Variants in DUOX2 observed in about 807,000 individuals in gnomAD.
DUOX2 encodes dual oxidase 2.
Under a neutral mutation model 183.3 loss-of-function variants are expected in DUOX2, and 185 were observed. That is an observed-to-expected ratio of 1.01 (90% CI 0.90 to 1.14). The LOEUF is 1.14. DUOX2 is among the 50% of genes most tolerant of loss of function. The pLI, the probability that DUOX2 is intolerant of heterozygous loss-of-function variation, is 0.00. For missense variants in DUOX2, 1,999 were observed against 2,022.9 expected, an observed-to-expected ratio of 0.99 and a Z score of 0.23; for synonymous variants, 788 against 812.4, an observed-to-expected ratio of 0.97 and a Z score of 0.51.
Position 45,112,588 on chromosome 15 carries a change from C to T in DUOX2, c.291G>A (p.Ser97=), listed in dbSNP as rs1446322119. 5 of 1,613,058 alleles carry T rather than the reference C, an allele frequency of 3.1e-6. No homozygotes were observed. The highest frequency in any genetic ancestry group is 4.2e-6 in the Non-Finnish European group (5 of 1,179,754). ...CCCCCAGTACGGTGCGGTTGTGGAG[C>T]GACGGCAGGCCGGCTATGCCCCGCG... The part of the protein sequence containing the change: ...AATRGIAGLP[S]LHNRTVLGVF... Residue 97 remains serine (S), a synonymous_variant, in exon 4 of 34, where the codon TCG becomes TCA. Coordinates refer to ENST00000389039, the MANE Select transcript of DUOX2 (RefSeq NM_001363711.2).
At chr15:45,112,850 G>T (rs994474085) in intron 3 of DUOX2, 132 bp from the exon 4 acceptor site, 1 of 1,545,980 alleles carries the variant, frequency 6.5e-7, no homozygotes. Context: ...TCTTGGCCCC[G>T]GGAGCGCATA....
chr15:45,113,419 C>T lies in DUOX2; in HGVS notation c.-8G>A, dbSNP rs1056541160. 3.2e-6 allele frequency: 5 copies of T among 1,557,940 alleles called. No homozygotes were observed. The highest frequency in any genetic ancestry group is 4.3e-6 in the Non-Finnish European group (5 of 1,150,276). On this transcript the variant is annotated 5_prime_UTR_variant, in exon 2 of 34. Coordinates refer to ENST00000389039, the MANE Select transcript of DUOX2 (RefSeq NM_001363711.2). The stretch of plus-strand genomic sequence containing the variant: ...TGGTCTTGCACGGAGCATGCCAACC[C>T]TGCAGCCTGCGGGGTGAGGGTGGGG...
In DUOX2 at chr15:45,094,213, C is replaced by T. The variant is rs2141138581; in HGVS notation, c.4584G>A (p.Lys1528=). The change falls in exon 34 of 34, where the codon AAG becomes AAA. Residue 1528 remains lysine, a synonymous_variant. Transcript: ENST00000389039. ...CCTGCCTGTTGACGAGCTGACAGGC[C>T]TTCTCTACATTCTTGGTCATTCCTG... ...GPPGMTKNVE[K]ACQLVNRQDR... The T allele has an allele frequency of 2.5e-6, 4 of 1,614,174 alleles. No individual in the cohort carries two copies. Among genetic ancestry groups the T allele is most frequent in the Non-Finnish European group, 3.4e-6 (4 of 1,180,032 alleles).
At chr15:45,102,017 C>G in intron 20 of DUOX2, 28 bp from the exon 21 acceptor site, 5 of 1,613,100 alleles carry the variant, frequency 3.1e-6, no homozygotes, top group African/African-American at 1.3e-5. Flanking sequence ...ACACAGCAGC[C>G]TGTCACCCAG....
chr15:45,105,606 G>A (rs755700420), intron 18 of DUOX2, 37 bp downstream of exon 18: 11 of 1,613,362 alleles, frequency 6.8e-6, no homozygotes, highest in South Asian at 5.5e-5. Flanking sequence ...CCATTTCTGG[G>A]GCTGGACCCA....
In DUOX2 at chr15:45,104,338, C is replaced by A; in HGVS notation, c.2362G>T (p.Gly788Trp). 6.2e-7 allele frequency: 1 copy of A among 1,613,882 alleles called. No homozygotes were observed. Among genetic ancestry groups the A allele is most frequent in the South Asian group, 1.1e-5 (1 of 91,022 alleles). Reference sequence around the variant, plus strand: ...TGGGAGGAGTCCAGGGGCAGGGTCCCTGCGTCGGCCTGGTTGATGTCCAGC... The same window carrying A: ...TGGGAGGAGTCCAGGGGCAGGGTCCATGCGTCGGCCTGGTTGATGTCCAGC... Reference protein sequence around the residue: ...QVLDINQADAGTLPLDSSQKV... With the variant: ...QVLDINQADAWTLPLDSSQKV... The change falls in exon 19 of 34, where the codon GGG becomes TGG. Residue 788 changes from glycine to tryptophan, a missense_variant. Transcript: ENST00000389039.
chr15:45,096,315 G>A (rs1487057960), intron 29 of DUOX2, among the ~76,000 whole-genome samples: 1 of 152,124 alleles, frequency 6.6e-6, no homozygotes, highest in East Asian at 1.9e-4. Context: ...GAAGGCCCAG[G>A]CCTCATACCA....
chr15:45,101,987 G>C lies in DUOX2; in HGVS notation c.2657C>G (p.Ser886Cys), dbSNP rs1232294591. Residue 886 changes from serine to cysteine, a missense_variant and splice_region_variant, in exon 21 of 34, where the codon TCC becomes TGC. Physicochemically the swap from Ser to Cys is moderately radical, Grantham distance 112. Around this residue, in one of 3 missense-constraint regions of DUOX2, gnomAD observed 1,628 missense variants for 1,608.6 expected, o/e 1.01. Coordinates refer to ENST00000389039, the MANE Select transcript of DUOX2 (RefSeq NM_001363711.2). ...SKDEFFTMMR[S>C]FIEISNNCLS... is the part of the protein sequence containing the mutation. ...GCAGTTGTTGGAGATCTCGATGAAG[G>C]ATCTGGAGGAGGACCAGAGACACAG... 1.9e-6 allele frequency: 3 copies of C among 1,614,052 alleles called. No individual in the cohort carries two copies. The highest frequency in any genetic ancestry group is 1.7e-6 in the Non-Finnish European group (2 of 1,180,028).
At position 45,104,373 on chromosome 15, in the gene DUOX2, C is replaced by T. The variant is rs532139907; in HGVS notation, c.2335-8G>A. ...CTGGTTGATGTCCAGCACCTGCACTCGGGCAGCAGCAGAGGGAGGGAAAGA... is the reference window on the plus strand; with the variant it reads ...CTGGTTGATGTCCAGCACCTGCACTTGGGCAGCAGCAGAGGGAGGGAAAGA... On this transcript the variant is annotated splice_region_variant and splice_polypyrimidine_tract_variant and intron_variant, in intron 18 of 33. Coordinates refer to ENST00000389039, the MANE Select transcript of DUOX2 (RefSeq NM_001363711.2). 3.2e-5 allele frequency: 52 copies of T among 1,612,724 alleles called. No individual in the cohort carries two copies. The East Asian group carries it at 7.1e-4, about 22-fold the overall frequency.
chr15:45,094,460 G>T, intron 33 of DUOX2, 103 bp downstream of exon 33: 1 of 1,535,478 alleles, frequency 6.5e-7, no homozygotes, highest in Middle Eastern at 2.3e-4. Flanking sequence ...CCAGGCAATC[G>T]GGTGGAGTTC....
In DUOX2 at chr15:45,111,520, G is replaced by A. The variant is rs1225500843; in HGVS notation, c.579C>T (p.Asp193=). Residue 193 remains aspartate (D), a synonymous_variant, in exon 6 of 34, where the codon GAC becomes GAT. Transcript: ENST00000389039. ...GTCCCCCCGAGAAGCTCCGCAGCGC[G>A]TCGCTCCAGGAGTGCGAGGAGCCAT... is the stretch of plus-strand genomic sequence containing the variant. The part of the protein sequence containing the change: ...AIYGSSHSWS[D]ALRSFSGGQL... 1.3e-6 allele frequency: 2 copies of A among 1,553,214 alleles called. No individual in the cohort carries two copies. Among genetic ancestry groups the A allele is most frequent in the Non-Finnish European group, 1.7e-6 (2 of 1,152,200 alleles).
In DUOX2 at chr15:45,097,327, G is replaced by T; in HGVS notation, c.3758C>A (p.Pro1253Gln). The change falls in exon 29 of 34, where the codon CCG (proline) becomes CAG (glutamine). Residue 1253 changes from proline (P) to glutamine (Q), a missense_variant. Transcript: ENST00000389039. ...CTTGTCACCTCCATAGATGATTGCC[G>T]GGACCAGGAAGTAGATGTGGAAAGT... ...LPTFHIYFLV[P>Q]AIIYGGDKLV... 1 of 1,614,240 alleles carries T rather than the reference G, an allele frequency of 6.2e-7. No homozygotes were observed. The highest frequency in any genetic ancestry group is 8.5e-7 in the Non-Finnish European group (1 of 1,180,042).
rs1410120669 is a variant in DUOX2, at chr15:45,094,563, C to T, written c.4524G>A (p.Gln1508=). 3.1e-6 allele frequency: 5 copies of T among 1,613,048 alleles called. No homozygotes were observed. The highest frequency in any genetic ancestry group is 1.3e-5 in the African/African-American group (1 of 74,850). Residue 1508 remains glutamine (Q), a splice_region_variant and synonymous_variant, in exon 33 of 34, where the codon CAG becomes CAA. Coordinates refer to ENST00000389039, the MANE Select transcript of DUOX2 (RefSeq NM_001363711.2). ...CAGGGTGGGAGGGAGTGGGACTGACCTGTGGGTGGACCTCCTGCAGGGAGT... is the reference window on the plus strand; with the variant it reads ...CAGGGTGGGAGGGAGTGGGACTGACTTGTGGGTGGACCTCCTGCAGGGAGT... ...FFNSLQEVHP[Q]VRKIGVFSCG...
At chr15:45,099,510 G>T in intron 25 of DUOX2, 28 bp from the exon 26 acceptor site, 1 of 1,606,836 alleles carries the variant, frequency 6.2e-7, no homozygotes, top group Non-Finnish European at 8.5e-7. Context: ...TGTTAGAGAT[G>T]CCAACCAGGA....
In DUOX2 at chr15:45,093,841, C is replaced by T. The variant is rs1486893348; in HGVS notation, c.*309G>A. 1.0e-5 allele frequency: 4 copies of T among 389,902 alleles called. No individual in the cohort carries two copies. The highest frequency in any genetic ancestry group is 1.9e-5 in the Non-Finnish European group (4 of 205,400). 24.2% of individuals were successfully genotyped at this position (389,902 alleles called of 1,614,324 possible). ...TGGGGTGAGGAGTGGTCTTTATCTT[C>T]TTTGGGAGATCCTGACTGGTTGCGC... On this transcript the variant is annotated 3_prime_UTR_variant, in exon 34 of 34. Transcript: ENST00000389039.
rs1325556179 is a variant in DUOX2, at chr15:45,095,509, G to A, written c.4167C>T (p.Val1389=). The A allele has an allele frequency of 6.2e-7, 1 of 1,614,190 alleles. No homozygotes were observed. The highest frequency in any genetic ancestry group is 1.1e-5 in the South Asian group (1 of 91,082). ...CTTTGAGGATGGAGGCAAAGGGGGT[G>A]ACCCCAATGCCCCCTCCCACCAACA... ...VSVLVGGGIG[V]TPFASILKDL... The change falls in exon 31 of 34, where the codon GTC becomes GTT. Residue 1389 remains valine (V), a synonymous_variant. Coordinates refer to ENST00000389039, the MANE Select transcript of DUOX2 (RefSeq NM_001363711.2).
Position 45,094,543 on chromosome 15 carries a change from T to G in DUOX2, c.4524+20A>C, listed in dbSNP as rs997835124. Reference sequence around the variant, plus strand: ...GCAGGAGAAGGCCAGAGTCCCAGGGTGGGAGGGAGTGGGACTGACCTGTGG... The same window carrying G: ...GCAGGAGAAGGCCAGAGTCCCAGGGGGGGAGGGAGTGGGACTGACCTGTGG... On this transcript the variant is annotated intron_variant, in intron 33 of 33. Transcript: ENST00000389039. 8 of 1,601,774 alleles carry G rather than the reference T, an allele frequency of 5.0e-6. No homozygotes were observed. Among genetic ancestry groups the G allele is most frequent in the East Asian group, 2.3e-5 (1 of 44,140 alleles).
Position 45,111,455 on chromosome 15 carries a change from G to T in DUOX2, c.644C>A (p.Ser215Ter). ...CGCCCACATGAGCAGGGGGTTCTGCGAGTCTCGGGGGAAAGCGGGGTCGGG... is the reference window on the plus strand; with the variant it reads ...CGCCCACATGAGCAGGGGGTTCTGCTAGTCTCGGGGGAAAGCGGGGTCGGG... The part of the protein sequence containing the change: ...SGPDPAFPRD[S>*]QNPLLMWAAP... The change falls in exon 6 of 34, where the codon TCG (serine) becomes TAG (stop). Residue 215 changes from serine to a stop codon, truncating the protein, a stop_gained. Transcript: ENST00000389039. LOFTEE classifies it high-confidence loss of function. The T allele has an allele frequency of 1.3e-6, 2 of 1,548,518 alleles. No individual in the cohort carries two copies. The highest frequency in any genetic ancestry group is 2.4e-5 in the East Asian group (1 of 41,838).
chr15:45,103,910 T>C lies in DUOX2; in HGVS notation c.2654+50A>G, dbSNP rs1295042403. 6 of 1,603,794 alleles carry C rather than the reference T, an allele frequency of 3.7e-6. No homozygotes were observed. The East Asian group carries it at 1.3e-4, about 36-fold the overall frequency. On this transcript the variant is annotated intron_variant, in intron 20 of 33. Coordinates refer to ENST00000389039, the MANE Select transcript of DUOX2 (RefSeq NM_001363711.2). ...CCTCCTCTGACTGGACCTGTTTTCC[T>C]GTTTGAAACACACCAGGAAGTCTCA...
Sources: allele counts gnomAD v4.1 joint callset (sites outside exome capture counted in the v4.1 genomes callset), GRCh38; gene constraint gnomAD v4.1.1; regional missense constraint gnomAD v4.1.1; transcripts MANE v1.5; gene names NCBI Gene and HGNC (gene_info 2026-07-23, HGNC 2026-07-21).